CAP2: variants seen among roughly 807,000 people sequenced by gnomAD.
CAP2 encodes adenylyl cyclase-associated protein 2.
In CAP2, 24 loss-of-function variants were observed where a neutral mutation model predicts 57.7. That is an observed-to-expected ratio of 0.42 (90% CI 0.30 to 0.58). The LOEUF (loss-of-function observed/expected upper bound fraction) is 0.58, where lower values mean the gene tolerates loss of function less well. CAP2 is among the 20% of genes least tolerant of loss of function. The pLI is 0.22. For missense variants in CAP2, 501 were observed against 590.3 expected (o/e 0.85, Z 1.57); for synonymous variants, 194 against 207.2 (o/e 0.94, Z 0.55).
rs1209470148 is a variant in CAP2 at position 17,480,773 on chromosome 6, G to GGTTT, written c.300+17700_300+17701insGTTT. Among the ~76,000 whole-genome samples the GGTTT allele has an allele frequency of 4.4e-5, 6 of 136,362 alleles. 2 individuals are homozygous for GGTTT. Among genetic ancestry groups the GGTTT allele is most frequent in the African/African-American group, 8.3e-5 (3 of 36,324 alleles). 89.5% of individuals were successfully genotyped at this position (136,362 alleles called of 152,430 possible). On this transcript the variant is annotated intron_variant, in intron 4 of 12. Transcript: ENST00000229922. Reference sequence around the variant, plus strand: ...CTTGGTGCTAAATGTGGTTTTTTTGGTTTTTTTTTTTTTTTTTTTGAGACA... The same window carrying GGTTT: ...CTTGGTGCTAAATGTGGTTTTTTTGGGTTTTTTTTTTTTTTTTTTTTTTGAGACA...
At chr6:17,454,981 T>C (rs1760518565) in intron 3 of CAP2, among the ~76,000 whole-genome samples, 1 of 152,150 alleles carries the variant, frequency 6.6e-6, no homozygotes, top group Non-Finnish European at 1.5e-5. Flanking sequence ...TATGAGTGCA[T>C]GGTTTTGTTA....
chr6:17,482,264 C>T (rs1290759946), intron 4 of CAP2, among the ~76,000 whole-genome samples: 2 of 152,118 alleles, frequency 1.3e-5, no homozygotes, highest in Admixed American at 6.5e-5. Flanking sequence ...CGGTGGCTCA[C>T]GCCTGTAATC....
chr6:17,476,457 T>C (rs929467434), intron 4 of CAP2, among the ~76,000 whole-genome samples: 9 of 152,242 alleles, frequency 5.9e-5, no homozygotes, highest in Non-Finnish European at 8.8e-5. Context: ...CTCTTGTCTT[T>C]TCCTCTCTTG....
chr6:17,539,196 G>A lies in CAP2; in HGVS notation c.637-73G>A, dbSNP rs186537155. Reference sequence around the variant, plus strand: ...CACTCTCTCATTGGCAGCAGGTTTCGACTCTCTCGGGCAAAATCCCAGCAA... The same window carrying A: ...CACTCTCTCATTGGCAGCAGGTTTCAACTCTCTCGGGCAAAATCCCAGCAA... On this transcript the variant is annotated intron_variant, in intron 7 of 12. Transcript: ENST00000229922. 1.1e-4 allele frequency: 162 copies of A among 1,434,810 alleles called. No individual in the cohort carries two copies. The East Asian group carries it at 3.5e-3, about 31-fold the overall frequency. 88.9% of individuals were successfully genotyped at this position (1,434,810 alleles called of 1,614,324 possible). A position where few individuals can be genotyped will look rare whatever the true frequency, so the allele number is the denominator to read the frequency against.
chr6:17,480,874 A>G (rs1385586942), intron 4 of CAP2, among the ~76,000 whole-genome samples: 6 of 147,424 alleles, frequency 4.1e-5, no homozygotes, highest in Non-Finnish European at 7.4e-5. Flanking sequence ...TCCTGATTTC[A>G]AGTGATTCTC....
chr6:17,523,950 T>C (rs1762443687), intron 7 of CAP2, among the ~76,000 whole-genome samples: 1 of 152,038 alleles, frequency 6.6e-6, no homozygotes, highest in Admixed American at 6.6e-5. Flanking sequence ...GACGCATGCC[T>C]GTAGTCCCAG....
chr6:17,486,463 C>T (rs901362707), intron 4 of CAP2, among the ~76,000 whole-genome samples: 31 of 145,528 alleles, frequency 2.1e-4, no homozygotes, highest in African/African-American at 4.8e-4. Context: ...AAAATTAGCC[C>T]GGCATGGTGG....
At chr6:17,405,120 C>T (rs13220521) in intron 1 of CAP2, among the ~76,000 whole-genome samples, 33,218 of 152,076 alleles carry the variant, frequency 0.22, 4,180 homozygotes, top group South Asian at 0.29. Context: ...TAGTGGGGCA[C>T]GCCTATAACC....
intron 4 of CAP2, among the ~76,000 whole-genome samples, chr6:17,474,242 A>G (rs1310130475): frequency 1.6e-5 from 2 of 124,432 alleles, no homozygotes; most frequent in African/African-American, 6.2e-5. Flanking sequence ...CCCCTAGTGC[A>G]GCTTCATGCT....
At chr6:17,410,068 C>T (rs1339750295) in intron 1 of CAP2, among the ~76,000 whole-genome samples, 1 of 152,192 alleles carries the variant, frequency 6.6e-6, no homozygotes, top group Admixed American at 6.5e-5. Context: ...GAGGCATAGG[C>T]GGTGGGATGC....
intron 1 of CAP2, among the ~76,000 whole-genome samples, chr6:17,397,465 C>T (rs1365684018): frequency 5.3e-5 from 8 of 151,866 alleles, no homozygotes; most frequent in Non-Finnish European, 1.2e-4. Context: ...GAGGCCGAGG[C>T]GGGCGCATCA....
At position 17,543,071 on chromosome 6, in the gene CAP2, A is replaced by T; in HGVS notation, c.1137A>T (p.Lys379Asn). The T allele has an allele frequency of 5.0e-6, 8 of 1,613,750 alleles. No individual in the cohort carries two copies. Among genetic ancestry groups the T allele is most frequent in the Non-Finnish European group, 6.8e-6 (8 of 1,179,812 alleles). Residue 379 changes from lysine to asparagine, a missense_variant, in exon 11 of 13, where the codon AAA becomes AAT. By Grantham distance (94) the Lys-to-Asn change is moderately conservative. Transcript: ENST00000229922. ...KVNSIIIDNC[K>N]KLGLVFDNVV... ...TTTTTCTCCCCACAGACAACTGTAA[A>T]AAACTCGGCCTGGTGTTTGACAATG... is the stretch of plus-strand genomic sequence containing the variant.
chr6:17,434,227 TTTTC>T (rs1301220591), intron 3 of CAP2, among the ~76,000 whole-genome samples: 3 of 143,360 alleles, frequency 2.1e-5, no homozygotes, highest in Admixed American at 2.0e-4. Flanking sequence ...TTTTCTCTTT[TTTTC>T]TTTCTTTTTT....
chr6:17,519,545 G>A (rs767597151), intron 7 of CAP2, among the ~76,000 whole-genome samples: 1 of 152,120 alleles, frequency 6.6e-6, no homozygotes, highest in Non-Finnish European at 1.5e-5. Context: ...CTTGGGACTG[G>A]ACCTCTTTTT....
In CAP2 at chr6:17,458,902, G is replaced by T. The variant is rs981276747; in HGVS notation, c.223-4094G>T. Among the ~76,000 whole-genome samples, 4 of 129,172 alleles carry T rather than the reference G, an allele frequency of 3.1e-5. No individual in the cohort carries two copies. The South Asian group carries it at 9.1e-4, about 29-fold the overall frequency. 84.7% of individuals were successfully genotyped at this position (129,172 alleles called of 152,430 possible). A position where few individuals can be genotyped will look rare whatever the true frequency, so the allele number is the denominator to read the frequency against. On this transcript the variant is annotated intron_variant, in intron 3 of 12. Coordinates refer to ENST00000229922, the MANE Select transcript of CAP2 (RefSeq NM_006366.3). ...ACAAAGGAGCAAAAAAAAAAAAAAA[G>T]AAAGAATTAAAGAAAAACACCTCAC...
chr6:17,435,143 A>G (rs1296973929), intron 3 of CAP2, among the ~76,000 whole-genome samples: 19 of 108,164 alleles, frequency 1.8e-4, no homozygotes, highest in Non-Finnish European at 3.0e-4. Context: ...GGGATCTAGA[A>G]CTAGAAATAC....
chr6:17,422,138 A>G (rs1236189712), intron 2 of CAP2, among the ~76,000 whole-genome samples: 1 of 152,242 alleles, frequency 6.6e-6, no homozygotes, highest in African/African-American at 2.4e-5. Context: ...TATCTACATA[A>G]TTATCAAAAA....
chr6:17,552,047 A>G (rs1184251062), intron 12 of CAP2, among the ~76,000 whole-genome samples: 1 of 152,198 alleles, frequency 6.6e-6, no homozygotes, highest in Non-Finnish European at 1.5e-5. Flanking sequence ...GGGAAGTTTT[A>G]TGAAAATGCC....
At chr6:17,420,179 C>T (rs951715727) in intron 1 of CAP2, among the ~76,000 whole-genome samples, 11 of 152,168 alleles carry the variant, frequency 7.2e-5, no homozygotes, top group Non-Finnish European at 1.5e-4. Context: ...CACCCTGCCC[C>T]ATTTTTATCC....
Sources: gnomAD v4.1 joint callset for allele counts (sites outside exome capture counted in the v4.1 genomes callset) on GRCh38, gnomAD v4.1.1 for gene constraint, MANE v1.5 for transcripts, NCBI Gene and HGNC (gene_info 2026-07-23, HGNC 2026-07-21) for gene names.